The following SASH1 variants were observed in gnomAD, a reference collection of about 807,000 sequenced individuals.
SASH1 encodes the protein SAM and SH3 domain-containing protein 1.
Under a neutral mutation model 125.2 loss-of-function variants are expected in SASH1, and 44 were observed. That is an observed-to-expected ratio of 0.35 (90% confidence interval 0.28 to 0.45). SASH1 has a LOEUF of 0.45. Ranked by LOEUF, SASH1 falls within the 20% of genes least tolerant of loss-of-function variation. The probability of loss-of-function intolerance (pLI) is 1.00; values close to 1 mark genes in which losing one functional copy is unlikely to be tolerated. For missense variants in SASH1, 1,426 were observed against 1,614.5 expected (o/e 0.88, Z 2.00); for synonymous variants, 639 against 649.1 (o/e 0.98, Z 0.24).
intron 1 of SASH1, among the ~76,000 whole-genome samples, chr6:148,323,164 C>T (rs1780698327): frequency 6.6e-6 from 1 of 152,036 alleles, no homozygotes; most frequent in Non-Finnish European, 1.5e-5. Context: ...CATGTACCAC[C>T]ATGCCCAGCT....
intron 4 of SASH1, among the ~76,000 whole-genome samples, chr6:148,458,948 T>C (rs1425294792): frequency 3.0e-5 from 4 of 133,440 alleles, no homozygotes; most frequent in Non-Finnish European, 6.3e-5. Flanking sequence ...GCCTGGGTGA[T>C]AGAGCAAGAA....
At chr6:148,296,781 T>C (rs1779776808) in intron 1 of SASH1, among the ~76,000 whole-genome samples, 6 of 152,222 alleles carry the variant, frequency 3.9e-5, no homozygotes. Flanking sequence ...CAAGGGCTTC[T>C]TCCCCTAGAG....
chr6:148,511,341 AC>A, intron 8 of SASH1, among the ~76,000 whole-genome samples: 1 of 148,022 alleles, frequency 6.8e-6, no homozygotes, highest in Non-Finnish European at 1.5e-5. Context: ...ACACACACAC[AC>A]ACACACACAC....
intron 2 of SASH1, among the ~76,000 whole-genome samples, chr6:148,429,290 G>T (rs1456477244): frequency 6.6e-6 from 1 of 150,938 alleles, no homozygotes. Flanking sequence ...GGAGGCTGAG[G>T]CAGGAGGATT....
chr6:148,242,550 C>A, the SASH1 span, among the ~76,000 whole-genome samples: 1 of 152,224 alleles, frequency 6.6e-6, no homozygotes, highest in Non-Finnish European at 1.5e-5. Context: ...TTCAAGTCCC[C>A]TTTCACTTGC....
At chr6:148,461,729 A>G (rs12660538) in intron 4 of SASH1, among the ~76,000 whole-genome samples, 7,853 of 152,268 alleles carry the variant, frequency 0.052, 264 homozygotes, top group East Asian at 0.12. Context: ...CAACTAGTGG[A>G]TAGTATGAAT....
At chr6:148,329,483 C>T (rs185217062) in intron 1 of SASH1, among the ~76,000 whole-genome samples, 1 of 152,334 alleles carries the variant, frequency 6.6e-6, no homozygotes, top group Non-Finnish European at 1.5e-5. Flanking sequence ...TCACTTGAAG[C>T]TTCTCTCTCC....
At chr6:148,464,421 A>G (rs772304080) in intron 4 of SASH1, among the ~76,000 whole-genome samples, 2 of 152,174 alleles carry the variant, frequency 1.3e-5, no homozygotes, top group African/African-American at 2.4e-5. Flanking sequence ...CTTTTTACCC[A>G]TTGACAATGA....
chr6:148,334,447 A>G (rs1373651482), intron 1 of SASH1, among the ~76,000 whole-genome samples: 10 of 148,108 alleles, frequency 6.8e-5, no homozygotes, highest in South Asian at 2.1e-4. Context: ...AAAAAAAAAA[A>G]AGAGATAATA....
chr6:148,197,518 T>C, the SASH1 span, among the ~76,000 whole-genome samples: 1 of 152,328 alleles, frequency 6.6e-6, no homozygotes, highest in African/African-American at 2.4e-5. Context: ...GTCCCCATCC[T>C]GAGAGTTCAG....
chr6:148,387,531 C>T (rs1309185082), intron 1 of SASH1, among the ~76,000 whole-genome samples: 2 of 137,148 alleles, frequency 1.5e-5, no homozygotes. Flanking sequence ...TTCTTTCTTT[C>T]TTCTTTCTTT....
intron 7 of SASH1, among the ~76,000 whole-genome samples, chr6:148,476,612 G>A (rs116635695): frequency 0.029 from 4,464 of 152,192 alleles, 225 homozygotes; most frequent in African/African-American, 0.1. Context: ...TCGGGGAGGC[G>A]GAGGTCGCAG....
At chr6:148,520,053 A>G in intron 10 of SASH1, 160 bp downstream of exon 10, 2 of 612,924 alleles carry the variant, frequency 3.3e-6, no homozygotes, top group East Asian at 2.8e-5. Context: ...GCGTCCCTCC[A>G]GAAAAGGCGT....
rs749032047 is a variant in SASH1 at position 148,343,148 on chromosome 6, G to A, written c.81G>A (p.Pro27=). ...CGGAGCCCGAGCCCGCGCCGGAGCC[G>A]GAACCGGAGCCCAAGCCGGGTGCTG... ...PEPEPEPAPE[P]EPEPKPGAGT... The change falls in exon 1 of 20, where the codon CCG becomes CCA. Residue 27 remains proline, a synonymous_variant. Coordinates refer to ENST00000367467, the MANE Select transcript of SASH1 (RefSeq NM_015278.5). 1 of 1,598,610 alleles carries A rather than the reference G, an allele frequency of 6.3e-7. No homozygotes were observed. Among genetic ancestry groups the A allele is most frequent in the Non-Finnish European group, 8.5e-7 (1 of 1,178,544 alleles).
chr6:148,452,698 TC>T (rs1301761703), intron 4 of SASH1, among the ~76,000 whole-genome samples: 101 of 111,364 alleles, frequency 9.1e-4, no homozygotes, highest in African/African-American at 2.7e-3. Flanking sequence ...ATTCTGCTGT[TC>T]CCTCCCCTCA....
chr6:148,471,464 C>T lies in SASH1; in HGVS notation c.475C>T (p.Arg159Ter), dbSNP rs532299107. 6 of 1,576,862 alleles carry T rather than the reference C, an allele frequency of 3.8e-6. No individual in the cohort carries two copies. The highest frequency in any genetic ancestry group is 4.6e-5 in the East Asian group (2 of 43,286). Residue 159 changes from arginine (R) to a stop codon, truncating the protein, a stop_gained, in exon 6 of 20, where the codon CGA becomes TGA. Transcript: ENST00000367467. LOFTEE classifies it high-confidence loss of function. Reference protein sequence around the residue: ...KKNKYFWQNFRKNQKGIMRQT... With the variant: ...KKNKYFWQNF ...AAATAAGTATTTCTGGCAGAACTTC[C>T]GAAAGAACCAGAAAGGAATAATGAG...
At chr6:148,349,850 C>CT (rs71841350) in intron 1 of SASH1, among the ~76,000 whole-genome samples, 34,172 of 144,984 alleles carry the variant, frequency 0.24, 4,643 homozygotes, top group African/African-American at 0.38. Flanking sequence ...TTCTTTTTTT[C>CT]TTTTTTTTTT....
At chr6:148,371,888 C>A (rs1243268785) in intron 1 of SASH1, among the ~76,000 whole-genome samples, 3 of 152,150 alleles carry the variant, frequency 2.0e-5, no homozygotes, top group African/African-American at 4.8e-5. Flanking sequence ...TCCTGGAGGT[C>A]ATAGGCCTTA....
chr6:148,436,397 TG>T (rs1475656471), intron 2 of SASH1, among the ~76,000 whole-genome samples: 1 of 151,596 alleles, frequency 6.6e-6, no homozygotes, highest in Non-Finnish European at 1.5e-5. Context: ...CCCAGCTACC[TG>T]GGAGGCTGAG....
Sources: gnomAD v4.1 joint callset for allele counts (sites outside exome capture counted in the v4.1 genomes callset) on GRCh38, gnomAD v4.1.1 for gene constraint, MANE v1.5 for transcripts, NCBI Gene and HGNC (gene_info 2026-07-23, HGNC 2026-07-21) for gene names.